Variants in GPATCH2L observed in about 807,000 individuals in gnomAD.
GPATCH2L encodes the protein G patch domain-containing protein 2-like.
GPATCH2L carries 31 observed loss-of-function variants against 57.4 expected under a neutral mutation model. That is an observed-to-expected ratio of 0.54 (90% CI 0.41 to 0.73). The LOEUF (loss-of-function observed/expected upper bound fraction) is 0.73. Among genes scored for constraint, GPATCH2L ranks in the 30% least tolerant of loss-of-function variants. GPATCH2L has a pLI of 0.00. For synonymous variants in GPATCH2L, 199 were observed against 210.7 expected (o/e 0.94, Z 0.48); for missense variants, 481 against 599.9 (o/e 0.80, Z 2.07).
Position 76,173,556 on chromosome 14 carries a change from TCG to T in GPATCH2L, c.917_918del (p.Arg306LeufsTer32). On this transcript the variant is annotated frameshift_variant, in exon 5 of 10. Coordinates refer to ENST00000261530, the MANE Select transcript of GPATCH2L (RefSeq NM_017926.4). LOFTEE classifies it high-confidence loss of function. Reference protein sequence around the residue: ...SRPAQRGYHTRLNRLPGAAAR... With the variant: ...SRPAQRGYHTXLNRLPGAAAR... ...TCCTTCTTTTTTTAGGGTACCATACTCGCTTGAATCGTCTACCTGGAGCTGCA... is the reference window on the plus strand; with the variant it reads ...TCCTTCTTTTTTTAGGGTACCATACTCTTGAATCGTCTACCTGGAGCTGCA... 1 of 1,611,048 alleles carries T rather than the reference TCG, an allele frequency of 6.2e-7. No individual in the cohort carries two copies.
At position 76,201,949 on chromosome 14, in the gene GPATCH2L, A is replaced by G. The variant is rs2040319031; in HGVS notation, c.*98A>G. 1.1e-5 allele frequency: 11 copies of G among 1,001,576 alleles called. No individual in the cohort carries two copies. Among genetic ancestry groups the G allele is most frequent in the Non-Finnish European group, 1.5e-6 (1 of 684,280 alleles). 62.0% of individuals were successfully genotyped at this position (1,001,576 alleles called of 1,614,324 possible). On this transcript the variant is annotated 3_prime_UTR_variant, in exon 10 of 10. Transcript: ENST00000261530. ...CTTGCATATCTTAATCGACATTCCC[A>G]GTCCTTTCACCACCAGAACCAACTC...
At chr14:76,159,994 C>T (rs1049362992) in intron 2 of GPATCH2L, among the ~76,000 whole-genome samples, 4 of 151,984 alleles carry the variant, frequency 2.6e-5, no homozygotes, top group African/African-American at 7.3e-5. Context: ...TTAGCCTTGG[C>T]GTGGTGGTGG....
At chr14:76,158,674 G>A (rs924234145) in intron 2 of GPATCH2L, among the ~76,000 whole-genome samples, 1 of 152,190 alleles carries the variant, frequency 6.6e-6, no homozygotes. Flanking sequence ...TGTATGGTAG[G>A]TGGGGGTGTT....
rs1214031360 is a variant in GPATCH2L, at chr14:76,154,726, A to G, written c.363A>G (p.Ala121=). The part of the protein sequence containing the change: ...WHESDSFTEN[A]PCRPLRRRRK... ...AATCTGACTCCTTTACTGAAAATGC[A>G]CCTTGTCGACCACTCAGGCGCAGGC... Residue 121 remains alanine, a synonymous_variant, in exon 2 of 10, where the codon GCA becomes GCG. Transcript: ENST00000261530. The surrounding 1 kb of genome is among the most constrained non-coding windows in gnomAD (Gnocchi z 4.4). 12 of 1,614,194 alleles carry G rather than the reference A, an allele frequency of 7.4e-6. No individual in the cohort carries two copies. In the East Asian group the frequency reaches 2.5e-4, roughly 33 times the overall value.
At chr14:76,215,501 G>A (rs1247402623), downstream of GPATCH2L, among the ~76,000 whole-genome samples, 3 of 151,344 alleles carry the variant, frequency 2.0e-5, no homozygotes, top group Non-Finnish European at 4.4e-5. Flanking sequence ...CAATAGCAAA[G>A]ACTTGGAACC....
In GPATCH2L at chr14:76,209,947, T is replaced by C. The variant is rs761942995; in HGVS notation, c.*8096T>C. 2 of 152,220 alleles carry C rather than the reference T, an allele frequency of 1.3e-5. No homozygotes were observed. Among genetic ancestry groups the C allele is most frequent in the African/African-American group, 2.4e-5 (1 of 41,456 alleles). 9.4% of individuals were successfully genotyped at this position (152,220 alleles called of 1,614,324 possible). Reference sequence around the variant, plus strand: ...ACACATGGGAAGGTACTTCAGATGCTGGACAGCCAATAAGAATAACAAAGG... The same window carrying C: ...ACACATGGGAAGGTACTTCAGATGCCGGACAGCCAATAAGAATAACAAAGG... On this transcript the variant is annotated 3_prime_UTR_variant, in exon 10 of 10. Transcript: ENST00000261530.
At chr14:76,232,252 G>A (rs895645862) in intron 2 of GPATCH2L, among the ~76,000 whole-genome samples, 12 of 152,146 alleles carry the variant, frequency 7.9e-5, no homozygotes, top group Non-Finnish European at 1.6e-4. Context: ...ATATTTAATG[G>A]CTGTATCAAA....
chr14:76,227,092 G>A (rs2040539266), intron 1 of GPATCH2L, among the ~76,000 whole-genome samples: 1 of 152,168 alleles, frequency 6.6e-6, no homozygotes, highest in Admixed American at 6.5e-5. Flanking sequence ...CTCCCTCCTG[G>A]ACTGTCTGAG....
At chr14:76,168,686 C>T (rs2038955100) in intron 3 of GPATCH2L, among the ~76,000 whole-genome samples, 1 of 152,180 alleles carries the variant, frequency 6.6e-6, no homozygotes, top group Non-Finnish European at 1.5e-5. Flanking sequence ...TGTTAATTTT[C>T]TACTACGTAA....
intron 2 of GPATCH2L, among the ~76,000 whole-genome samples, chr14:76,165,784 A>T (rs1042158158): frequency 1.6e-4 from 25 of 152,326 alleles, no homozygotes; most frequent in Admixed American, 9.2e-4. Context: ...CCAGGAATAT[A>T]GATTGGGATT....
chr14:76,185,985 T>C (rs1340878001), intron 8 of GPATCH2L, among the ~76,000 whole-genome samples: 20 of 152,156 alleles, frequency 1.3e-4, no homozygotes, highest in Admixed American at 1.3e-3. Flanking sequence ...AATTTCTACA[T>C]CTTTAAAATG....
intron 8 of GPATCH2L, among the ~76,000 whole-genome samples, 200 bp downstream of exon 8, chr14:76,181,049 A>G (rs368815683): frequency 8.5e-4 from 129 of 152,308 alleles, no homozygotes; most frequent in South Asian, 3.9e-3. Flanking sequence ...CTAGTATGTG[A>G]TTAAGTCTCA....
intron 8 of GPATCH2L, 68 bp downstream of exon 8, chr14:76,180,917 A>G: frequency 1.1e-6 from 1 of 913,576 alleles, no homozygotes; most frequent in Non-Finnish European, 1.8e-6. Flanking sequence ...TACCCCTCAA[A>G]TTATAGAGTA....
At chr14:76,195,570 G>A (rs2040120940) in intron 8 of GPATCH2L, among the ~76,000 whole-genome samples, 1 of 152,142 alleles carries the variant, frequency 6.6e-6, no homozygotes, top group Non-Finnish European at 1.5e-5. Flanking sequence ...TAGAGCAATT[G>A]TGGTTATAGT....
intron 1 of GPATCH2L, among the ~76,000 whole-genome samples, chr14:76,223,446 G>A (rs1337604814): frequency 6.6e-6 from 1 of 152,024 alleles, no homozygotes; most frequent in East Asian, 1.9e-4. Flanking sequence ...ACATATCAAA[G>A]ACCTACACAT....
intron 2 of GPATCH2L, among the ~76,000 whole-genome samples, chr14:76,157,591 G>A (rs2038366427): frequency 6.6e-6 from 1 of 152,012 alleles, no homozygotes; most frequent in Admixed American, 6.5e-5. Flanking sequence ...GGTATTGAGG[G>A]TTGTCAGAGT....
chr14:76,184,022 T>TG (rs113637385), intron 8 of GPATCH2L, among the ~76,000 whole-genome samples: 21 of 44,024 alleles, frequency 4.8e-4, no homozygotes, highest in Admixed American at 1.1e-3. Context: ...ATCATTAGCA[T>TG]GGTGTGTGTG....
chr14:76,198,363 T>A (rs1377441405), intron 9 of GPATCH2L, among the ~76,000 whole-genome samples: 1 of 152,176 alleles, frequency 6.6e-6, no homozygotes, highest in African/African-American at 2.4e-5. Flanking sequence ...AAAAAAAAGA[T>A]TATCTTCTCC....
intron 1 of GPATCH2L, among the ~76,000 whole-genome samples, chr14:76,224,287 T>C (rs1240489341): frequency 6.6e-6 from 1 of 152,192 alleles, no homozygotes; most frequent in Non-Finnish European, 1.5e-5. Context: ...TCTGCAGTGA[T>C]GAAAATGTTC....
Sources: gnomAD v4.1 joint callset for allele counts (sites outside exome capture counted in the v4.1 genomes callset) on GRCh38, gnomAD v4.1.1 for gene constraint, Gnocchi (gnomAD v3.1) non-coding constraint, MANE v1.5 for transcripts, NCBI Gene and HGNC (gene_info 2026-07-23, HGNC 2026-07-21) for gene names.